The following TRANK1 variants were observed in gnomAD, a reference collection of about 807,000 sequenced individuals.
The protein encoded by TRANK1 is TPR and ankyrin repeat-containing protein 1.
Under a neutral mutation model 266.0 loss-of-function variants are expected in TRANK1, and 198 were observed. That is an observed-to-expected ratio of 0.74 (90% confidence interval 0.66 to 0.84). The LOEUF is 0.84. Among genes scored for constraint, TRANK1 ranks in the 40% least tolerant of loss-of-function variants. The pLI, the probability that TRANK1 is intolerant of heterozygous loss-of-function variation, is 0.00. For missense variants in TRANK1, 3,326 were observed against 3,634.6 expected, an observed-to-expected ratio of 0.92 and a Z score of 2.18; for synonymous variants, 1,396 against 1,384.1, an observed-to-expected ratio of 1.01 and a Z score of -0.19.
At chr3:36,893,382 A>G (rs768900456) in intron 5 of TRANK1, among the ~76,000 whole-genome samples, 2 of 152,256 alleles carry the variant, frequency 1.3e-5, no homozygotes, top group Non-Finnish European at 2.9e-5. Context: ...TATTCCTCAC[A>G]TCAGCGTTTT....
In TRANK1 at chr3:36,879,781, A is replaced by AATATATATAAAT. The variant is rs1295088679; in HGVS notation, c.908-5486_908-5485insATTTATATATAT. Among the ~76,000 whole-genome samples the AATATATATAAAT allele has an allele frequency of 5.9e-5, 4 of 67,686 alleles. 1 individual carries two copies. The Admixed American group carries it at 6.9e-4, about 12-fold the overall frequency. The allele number at this position is 67,686 out of a possible 152,430, so 44.4% of individuals were successfully genotyped here. On this transcript the variant is annotated intron_variant, in intron 8 of 23. Transcript: ENST00000645898. ...ATATAAATATATATAAATATATATA[A>AATATATATAAAT]ATATGTAAATATATAAATATACAAA...
intron 2 of TRANK1, among the ~76,000 whole-genome samples, chr3:36,907,551 AC>A (rs2079989488): frequency 7.9e-6 from 1 of 127,228 alleles, no homozygotes; most frequent in South Asian, 2.4e-4. Flanking sequence ...TGCAAGCTCC[AC>A]CTCCCGGGTT....
Position 36,858,779 on chromosome 3 carries a change from A to C in TRANK1, c.1611T>G (p.Ile537Met), listed in dbSNP as rs2079093744. 1.3e-6 allele frequency: 2 copies of C among 1,537,070 alleles called. No homozygotes were observed. Among genetic ancestry groups the C allele is most frequent in the Admixed American group, 2.0e-5 (1 of 50,982 alleles). ...LLTKGADPRA[I>M]SLTEGDTPLH... Reference sequence around the variant, plus strand: ...AAGGAGTATCACCTTCCGTGAGAGAAATAGCACGGGGGTCTGCGCCCTTGG... The same window carrying C: ...AAGGAGTATCACCTTCCGTGAGAGACATAGCACGGGGGTCTGCGCCCTTGG... Residue 537 changes from isoleucine to methionine, a missense_variant, in exon 12 of 24, where the codon ATT becomes ATG. Physicochemically the swap from Ile to Met is conservative, Grantham distance 10. Coordinates refer to ENST00000645898, the MANE Select transcript of TRANK1 (RefSeq NM_001329998.2).
At chr3:36,929,085 A>G (rs1290890244) in intron 1 of TRANK1, among the ~76,000 whole-genome samples, 1 of 152,150 alleles carries the variant, frequency 6.6e-6, no homozygotes, top group Non-Finnish European at 1.5e-5. Context: ...AAACAAATAA[A>G]TAAAAGAGTA....
intron 1 of TRANK1, among the ~76,000 whole-genome samples, chr3:36,909,211 G>C (rs910849586): frequency 1.3e-5 from 2 of 152,196 alleles, no homozygotes; most frequent in Non-Finnish European, 1.5e-5. Flanking sequence ...CCCCTATTTT[G>C]TTAAGTTTTG....
chr3:36,846,517 G>A, intron 16 of TRANK1, 113 bp from the exon 17 acceptor site: 1 of 1,054,564 alleles, frequency 9.5e-7, no homozygotes, highest in East Asian at 2.6e-5. Context: ...AAATTTTAGA[G>A]AAGCATAGCA....
chr3:36,872,871 C>A (rs998633566), intron 9 of TRANK1, among the ~76,000 whole-genome samples: 3 of 148,738 alleles, frequency 2.0e-5, no homozygotes. Flanking sequence ...GAGGAAGGAC[C>A]CATATCTAGA....
intron 16 of TRANK1, 90 bp downstream of exon 16, chr3:36,847,110 C>T (rs2078925157): frequency 5.6e-6 from 8 of 1,432,338 alleles, no homozygotes; most frequent in East Asian, 2.5e-5. Flanking sequence ...CAGCCAAGTG[C>T]AAGCTCCATT....
At chr3:36,862,606 G>A (rs1026385087) in intron 10 of TRANK1, among the ~76,000 whole-genome samples, 6 of 152,192 alleles carry the variant, frequency 3.9e-5, no homozygotes, top group Non-Finnish European at 5.9e-5. Flanking sequence ...AGCCAATCAA[G>A]AATCTCCATC....
intron 1 of TRANK1, among the ~76,000 whole-genome samples, chr3:36,931,548 T>C (rs1204913838): frequency 6.6e-6 from 1 of 151,710 alleles, no homozygotes. Context: ...CTACAAAAAA[T>C]GCAAAAATTA....
At chr3:36,870,962 TAAAAAAAAAAAAA>T (rs563787088) in intron 9 of TRANK1, among the ~76,000 whole-genome samples, 22 of 65,106 alleles carry the variant, frequency 3.4e-4, no homozygotes, top group Non-Finnish European at 5.9e-4. Context: ...ACAAGGAAAC[TAAAAAAAAAAAAA>T]AAAAAAAAAA....
At chr3:36,840,616 G>A (rs966623067) in intron 18 of TRANK1, among the ~76,000 whole-genome samples, 3 of 152,246 alleles carry the variant, frequency 2.0e-5, no homozygotes, top group Non-Finnish European at 4.4e-5. Context: ...TCCAAGGCCA[G>A]GCCTCAAGGG....
chr3:36,846,208 G>A (rs749697782), intron 17 of TRANK1, 40 bp downstream of exon 17: 49 of 1,518,626 alleles, frequency 3.2e-5, no homozygotes, highest in South Asian at 6.2e-5. Flanking sequence ...AGAGAAACAC[G>A]ATTCCTCCAT....
intron 1 of TRANK1, among the ~76,000 whole-genome samples, chr3:36,942,157 T>G (rs2080505157): frequency 1.3e-5 from 2 of 152,264 alleles, no homozygotes; most frequent in East Asian, 3.9e-4. Context: ...TAGAAATGGG[T>G]CTTTGGTAGT....
At chr3:36,912,518 G>A (rs2125636706) in intron 1 of TRANK1, among the ~76,000 whole-genome samples, 1 of 152,340 alleles carries the variant, frequency 6.6e-6, no homozygotes, top group Non-Finnish European at 1.5e-5. Context: ...TGCCTGGCTG[G>A]CTTTCAGAAA....
rs763985986 is a variant in TRANK1, at chr3:36,856,296, TTCCTCTTCCTCG to T, written c.3414_3425del (p.Asp1138_Glu1141del). On this transcript the variant is annotated inframe_deletion, in exon 13 of 24. Coordinates refer to ENST00000645898, the MANE Select transcript of TRANK1 (RefSeq NM_001329998.2). Reference sequence around the variant, plus strand: ...CTACTGTTTCCACTTCAATAGAATCTTCCTCTTCCTCGTCCTCTTCCTCCTCCTCTTCCTCCC... The same window carrying T: ...CTACTGTTTCCACTTCAATAGAATCTTCCTCTTCCTCCTCCTCTTCCTCCC... 2.5e-6 allele frequency: 4 copies of T among 1,585,688 alleles called. No individual in the cohort carries two copies. In the South Asian group the frequency reaches 4.5e-5, roughly 18 times the overall value.
chr3:36,869,734 T>A (rs1174883720), intron 9 of TRANK1, among the ~76,000 whole-genome samples: 2 of 152,356 alleles, frequency 1.3e-5, no homozygotes, highest in Non-Finnish European at 2.9e-5. Flanking sequence ...CATTATCCCA[T>A]ACATGGCCAC....
intron 8 of TRANK1, among the ~76,000 whole-genome samples, chr3:36,877,851 C>T (rs1033414636): frequency 6.6e-6 from 1 of 152,156 alleles, no homozygotes; most frequent in African/African-American, 2.4e-5. Flanking sequence ...TATTGACCAT[C>T]GTTCACCAGT....
intron 1 of TRANK1, among the ~76,000 whole-genome samples, chr3:36,926,465 C>G (rs1245572070): frequency 6.6e-6 from 1 of 152,168 alleles, no homozygotes; most frequent in Non-Finnish European, 1.5e-5. Context: ...AAACACAGGT[C>G]TAGGAGAGAG....
Sources: gnomAD v4.1 joint callset for allele counts (sites outside exome capture counted in the v4.1 genomes callset) on GRCh38, gnomAD v4.1.1 for gene constraint, MANE v1.5 for transcripts, NCBI Gene and HGNC (gene_info 2026-07-23, HGNC 2026-07-21) for gene names.